The following TCERG1L variants were observed in gnomAD, a reference collection of about 807,000 sequenced individuals.
TCERG1L encodes the protein transcription elongation regulator 1 like.
In TCERG1L, 37 loss-of-function variants were observed where a neutral mutation model predicts 56.3. The ratio of observed to expected loss-of-function variants is 0.66; its 90% CI spans 0.51 to 0.87. TCERG1L has a LOEUF of 0.87. Ranked by LOEUF, TCERG1L falls within the 40% of genes least tolerant of loss-of-function variation. The probability of loss-of-function intolerance (pLI) is 0.00; values close to 1 mark genes in which losing one functional copy is unlikely to be tolerated. For synonymous variants in TCERG1L, 324 were observed against 326.3 expected (o/e 0.99, Z 0.08); for missense variants, 799 against 774.2 (o/e 1.03, Z -0.38).
intron 6 of TCERG1L, among the ~76,000 whole-genome samples, chr10:131,156,486 A>AATGCTT (rs549460970): frequency 2.6e-5 from 4 of 151,978 alleles, no homozygotes; most frequent in Admixed American, 6.6e-5. Flanking sequence ...CCCTTTGAAA[A>AATGCTT]ATGCTTACAC....
chr10:131,243,955 T>G (rs1846000506), intron 4 of TCERG1L, among the ~76,000 whole-genome samples: 1 of 152,216 alleles, frequency 6.6e-6, no homozygotes, highest in East Asian at 1.9e-4. Flanking sequence ...AGAAGCTCTC[T>G]ATTTGGGGAT....
chr10:131,134,024 T>C (rs1175133140), intron 8 of TCERG1L, among the ~76,000 whole-genome samples: 4 of 152,180 alleles, frequency 2.6e-5, no homozygotes, highest in African/African-American at 7.2e-5. Flanking sequence ...CAGGGCTGCC[T>C]GACCCCTAAA....
At chr10:131,126,385 T>C (rs1225400548) in intron 8 of TCERG1L, among the ~76,000 whole-genome samples, 1 of 152,176 alleles carries the variant, frequency 6.6e-6, no homozygotes, top group Admixed American at 6.5e-5. Flanking sequence ...TGGGAAGAGC[T>C]GAAGTCTCTC....
chr10:131,146,971 A>C (rs1406587320), intron 6 of TCERG1L, among the ~76,000 whole-genome samples: 1 of 152,160 alleles, frequency 6.6e-6, no homozygotes, highest in African/African-American at 2.4e-5. Context: ...ACCAGCTGTC[A>C]CTGCCTCAGT....
chr10:131,269,634 T>C (rs1846318713), intron 3 of TCERG1L, among the ~76,000 whole-genome samples: 1 of 152,190 alleles, frequency 6.6e-6, no homozygotes, highest in African/African-American at 2.4e-5. Flanking sequence ...CAGGTGAAGT[T>C]TGTGGCTCCC....
At chr10:131,282,692 T>A (rs1438814014) in intron 3 of TCERG1L, among the ~76,000 whole-genome samples, 2 of 152,128 alleles carry the variant, frequency 1.3e-5, no homozygotes, top group East Asian at 1.9e-4. Context: ...CTCAATCATA[T>A]CTGTGATATT....
At chr10:131,265,792 T>C (rs1004250392) in intron 3 of TCERG1L, among the ~76,000 whole-genome samples, 1 of 152,282 alleles carries the variant, frequency 6.6e-6, no homozygotes, top group Non-Finnish European at 1.5e-5. Flanking sequence ...GTAACTCTTT[T>C]GCCAGTGGAG....
rs983982059 is a variant in TCERG1L, at chr10:131,092,462, T to C, written c.*700A>G. ...ACAAAGGTGATGAGAAAAAATCTCA[T>C]GCAAACTCCGGGCATACAATAAAAA... On this transcript the variant is annotated 3_prime_UTR_variant, in exon 12 of 12. Coordinates refer to ENST00000368642, the MANE Select transcript of TCERG1L (RefSeq NM_174937.4). The C allele has an allele frequency of 6.5e-6, 1 of 152,682 alleles. No homozygotes were observed. Among genetic ancestry groups the C allele is most frequent in the African/African-American group, 2.4e-5 (1 of 41,478 alleles). The allele number at this position is 152,682 out of a possible 1,614,324, so 9.5% of individuals were successfully genotyped here.
At chr10:131,207,246 A>T (rs1044445634) in intron 4 of TCERG1L, among the ~76,000 whole-genome samples, 1 of 134,948 alleles carries the variant, frequency 7.4e-6, no homozygotes, top group South Asian at 2.5e-4. Flanking sequence ...CTCCAAAGGG[A>T]GGTTCTGTCC....
At chr10:131,130,855 G>A (rs1365109919) in intron 8 of TCERG1L, among the ~76,000 whole-genome samples, 1 of 151,988 alleles carries the variant, frequency 6.6e-6, no homozygotes, top group Non-Finnish European at 1.5e-5. Context: ...CAGTTCAGTG[G>A]CGGAGTCACT....
At chr10:131,180,600 G>A (rs964827304) in intron 4 of TCERG1L, among the ~76,000 whole-genome samples, 2 of 152,158 alleles carry the variant, frequency 1.3e-5, no homozygotes, top group African/African-American at 4.8e-5. Flanking sequence ...AGGGGGGCCG[G>A]TACTATTCCT....
intron 4 of TCERG1L, among the ~76,000 whole-genome samples, chr10:131,198,393 G>A (rs990207288): frequency 2.0e-5 from 3 of 152,258 alleles, no homozygotes; most frequent in South Asian, 2.1e-4. Context: ...CAGGACTCAC[G>A]GGAAGTGTCC....
intron 4 of TCERG1L, among the ~76,000 whole-genome samples, chr10:131,219,591 G>A (rs1845707788): frequency 6.6e-6 from 1 of 152,198 alleles, no homozygotes; most frequent in Non-Finnish European, 1.5e-5. Context: ...GTGCAAGGAG[G>A]CTACCTCCTC....
chr10:131,296,410 T>TA (rs1324329597), intron 3 of TCERG1L, among the ~76,000 whole-genome samples: 1 of 152,236 alleles, frequency 6.6e-6, no homozygotes, highest in Non-Finnish European at 1.5e-5. Flanking sequence ...TGTACCCTTG[T>TA]AATAAAAATC....
In TCERG1L at chr10:131,203,314, C is replaced by CA. The variant is rs58016777; in HGVS notation, c.857-36430dup. On this transcript the variant is annotated intron_variant, in intron 4 of 11. Coordinates refer to ENST00000368642, the MANE Select transcript of TCERG1L (RefSeq NM_174937.4). ...TGGGTGACAGAGTGAGACTCCGTCT[C>CA]AAAAAAAAAAAGACTTCCAGTATGT... 3.2e-4 allele frequency among the ~76,000 whole-genome samples: 38 copies of CA among 117,640 alleles called. 1 individual carries two copies. Among genetic ancestry groups the CA allele is most frequent in the Non-Finnish European group, 3.5e-4 (20 of 57,856 alleles). The allele number at this position is 117,640 out of a possible 152,430, so 77.2% of individuals were successfully genotyped here. A position where few individuals can be genotyped will look rare whatever the true frequency, so the allele number is the denominator to read the frequency against.
chr10:131,138,403 T>C (rs1440762510), intron 7 of TCERG1L, among the ~76,000 whole-genome samples: 4 of 152,178 alleles, frequency 2.6e-5, no homozygotes, highest in Admixed American at 6.5e-5. Flanking sequence ...TTCAGGGGCA[T>C]CACACATGGA....
chr10:131,132,408 A>G (rs1392021827), intron 8 of TCERG1L, among the ~76,000 whole-genome samples: 1 of 152,346 alleles, frequency 6.6e-6, no homozygotes, highest in East Asian at 1.9e-4. Flanking sequence ...TCAGATGATT[A>G]AAACTAAAAT....
At chr10:131,233,269 T>TA (rs1845871997) in intron 4 of TCERG1L, among the ~76,000 whole-genome samples, 1 of 152,084 alleles carries the variant, frequency 6.6e-6, no homozygotes, top group South Asian at 2.1e-4. Context: ...ATTGAGATCT[T>TA]ATTGTTGCAA....
intron 4 of TCERG1L, among the ~76,000 whole-genome samples, chr10:131,204,137 C>T (rs1027899763): frequency 1.4e-4 from 21 of 152,310 alleles, no homozygotes; most frequent in African/African-American, 4.3e-4. Flanking sequence ...AGCAAGGAGG[C>T]GCCATCTTGG....
Sources: gnomAD v4.1 joint callset for allele counts (sites outside exome capture counted in the v4.1 genomes callset) on GRCh38, gnomAD v4.1.1 for gene constraint, MANE v1.5 for transcripts, NCBI Gene and HGNC (gene_info 2026-07-23, HGNC 2026-07-21) for gene names.